Variants in RIMS1 observed in about 807,000 individuals in gnomAD.
RIMS1 encodes the protein regulating synaptic membrane exocytosis protein 1.
A neutral mutation model predicts 214.1 loss-of-function variants in RIMS1; 83 were observed. The ratio of observed to expected loss-of-function variants is 0.39; its 90% confidence interval spans 0.32 to 0.47. The LOEUF (loss-of-function observed/expected upper bound fraction) is 0.47, where lower values mean the gene tolerates loss of function less well. Ranked by LOEUF, RIMS1 falls within the 20% of genes least tolerant of loss-of-function variation. RIMS1 has a pLI of 0.99. For synonymous variants in RIMS1, 793 were observed against 786.8 expected (o/e 1.01, Z -0.13); for missense variants, 2,050 against 2,161.8 (o/e 0.95, Z 1.03).
chr6:72,259,257 T>C (rs1249944518), intron 18 of RIMS1, 146 bp downstream of exon 18: 1 of 539,152 alleles, frequency 1.9e-6, no homozygotes, highest in African/African-American at 1.9e-5. Flanking sequence ...TAACATATTG[T>C]AATAGAAATG....
At chr6:72,264,887 A>G in intron 19 of RIMS1, 88 bp from the exon 20 acceptor site, 2 of 765,852 alleles carry the variant, frequency 2.6e-6, no homozygotes, top group Non-Finnish European at 4.3e-6. Flanking sequence ...ATATAGCTTT[A>G]TAGGCCTCCT....
chr6:72,015,880 C>T (rs1422466036), intron 2 of RIMS1, among the ~76,000 whole-genome samples: 2 of 152,070 alleles, frequency 1.3e-5, no homozygotes, highest in Non-Finnish European at 2.9e-5. Flanking sequence ...GAGCCGAGAT[C>T]GCGCCATTGT....
At chr6:72,354,776 A>G (rs2097573771) in intron 29 of RIMS1, among the ~76,000 whole-genome samples, 1 of 152,134 alleles carries the variant, frequency 6.6e-6, no homozygotes, top group South Asian at 2.1e-4. Flanking sequence ...TAGTTGGCAA[A>G]CCTCTTTAGT....
chr6:72,169,663 G>C (rs149883186), intron 4 of RIMS1, among the ~76,000 whole-genome samples: 1 of 152,092 alleles, frequency 6.6e-6, no homozygotes, highest in Admixed American at 6.5e-5. Flanking sequence ...CAGCACTTTC[G>C]GAGGCTAAGG....
chr6:72,052,639 G>C (rs969786493), intron 2 of RIMS1, among the ~76,000 whole-genome samples: 1 of 152,196 alleles, frequency 6.6e-6, no homozygotes, highest in African/African-American at 2.4e-5. Flanking sequence ...CATACATTGG[G>C]CAAATCATTT....
chr6:72,333,478 C>A, intron 28 of RIMS1, 122 bp from the exon 29 acceptor site: 1 of 745,976 alleles, frequency 1.3e-6, no homozygotes, highest in Non-Finnish European at 2.2e-6. Flanking sequence ...AGATCCACTA[C>A]TCAACTGCAT....
intron 2 of RIMS1, among the ~76,000 whole-genome samples, chr6:72,034,688 C>T (rs1819099126): frequency 1.3e-5 from 2 of 151,944 alleles, no homozygotes; most frequent in African/African-American, 2.4e-5. Context: ...TTAAATGTCA[C>T]TTTGTCTAAG....
At chr6:72,013,119 A>G (rs1223220404) in intron 2 of RIMS1, among the ~76,000 whole-genome samples, 1 of 152,186 alleles carries the variant, frequency 6.6e-6, no homozygotes, top group Admixed American at 6.6e-5. Context: ...CACCATAACT[A>G]TATAAACCTA....
At chr6:72,232,715 AATTGAAGTGTATGG>A (rs372664141) in intron 6 of RIMS1, among the ~76,000 whole-genome samples, 3 of 151,784 alleles carry the variant, frequency 2.0e-5, no homozygotes, top group Admixed American at 6.6e-5. Context: ...GTTCCTAAAA[AATTGAAGTGTATGG>A]ATTGAAGTGT....
rs149096119 is a variant in RIMS1 at position 72,012,309 on chromosome 6, A to T, written c.245+43246A>T. On this transcript the variant is annotated intron_variant, in intron 2 of 33. Coordinates refer to ENST00000521978, the MANE Select transcript of RIMS1 (RefSeq NM_014989.7). The stretch of plus-strand genomic sequence containing the variant: ...AACACGTGGACACAGGAAGGGGAAC[A>T]TGACACACTGGGCCCTGTTGTAGGG... Among the ~76,000 whole-genome samples, 448 of 152,090 alleles carry T rather than the reference A, an allele frequency of 2.9e-3. 3 individuals carry two copies. The highest frequency in any genetic ancestry group is 0.01 in the African/African-American group (417 of 41,514).
chr6:72,343,251 G>T (rs531902502), intron 29 of RIMS1, among the ~76,000 whole-genome samples: 1 of 151,788 alleles, frequency 6.6e-6, no homozygotes, highest in South Asian at 2.1e-4. Flanking sequence ...AGAATATATT[G>T]CCACATTCTT....
At chr6:72,114,981 T>G (rs2036798525) in intron 4 of RIMS1, among the ~76,000 whole-genome samples, 1 of 151,950 alleles carries the variant, frequency 6.6e-6, no homozygotes, top group Non-Finnish European at 1.5e-5. Flanking sequence ...AGCTTTTTTG[T>G]TTATCCATGT....
At position 72,120,608 on chromosome 6, in the gene RIMS1, T is replaced by C. The variant is rs2038066598; in HGVS notation, c.471+20622T>C. On this transcript the variant is annotated intron_variant, in intron 4 of 33. Coordinates refer to ENST00000521978, the MANE Select transcript of RIMS1 (RefSeq NM_014989.7). The stretch of plus-strand genomic sequence containing the variant: ...TTTCTCCCATTTTGTAGGTTGCCTG[T>C]TCACTCTGATGGTAGTTTCTTTTGC... Among the ~76,000 whole-genome samples, 2 of 151,980 alleles carry C rather than the reference T, an allele frequency of 1.3e-5. 1 individual carries two copies. Among genetic ancestry groups the C allele is most frequent in the South Asian group, 4.1e-4 (2 of 4,822 alleles).
intron 29 of RIMS1, among the ~76,000 whole-genome samples, chr6:72,335,022 T>C (rs55782272): frequency 0.047 from 7,079 of 151,982 alleles, 176 homozygotes; most frequent in Middle Eastern, 0.061. Flanking sequence ...TTTGTTTAAA[T>C]TTTTTATGGT....
At chr6:72,011,554 C>T (rs1204457) in intron 2 of RIMS1, among the ~76,000 whole-genome samples, 1 of 151,728 alleles carries the variant, frequency 6.6e-6, no homozygotes, top group Non-Finnish European at 1.5e-5. Context: ...CCTACAAAAT[C>T]GGAGAAAATT....
Position 72,278,174 on chromosome 6 carries a change from T to TCTAC in RIMS1, c.3482+3745_3482+3746insCCTA, listed in dbSNP as rs2087752363. Among the ~76,000 whole-genome samples the TCTAC allele has an allele frequency of 2.6e-5, 4 of 152,044 alleles. No individual in the cohort carries two copies. In the South Asian group the frequency reaches 8.3e-4, roughly 32 times the overall value. ...TTTAATCTATCTATCTATCTATCTA[T>TCTAC]CTATCTATCTATCTATCTATCTATA... On this transcript the variant is annotated intron_variant, in intron 23 of 33. Coordinates refer to ENST00000521978, the MANE Select transcript of RIMS1 (RefSeq NM_014989.7).
At chr6:72,345,337 A>G (rs899178990) in intron 29 of RIMS1, among the ~76,000 whole-genome samples, 1 of 151,808 alleles carries the variant, frequency 6.6e-6, no homozygotes, top group Non-Finnish European at 1.5e-5. Flanking sequence ...ATGCATTTGT[A>G]TTATTAATAT....
chr6:72,154,299 C>T lies in RIMS1; in HGVS notation c.472-25276C>T, dbSNP rs549030131. Among the ~76,000 whole-genome samples, 124 of 139,586 alleles carry T rather than the reference C, an allele frequency of 8.9e-4. 13 individuals carry two copies. Among genetic ancestry groups the T allele is most frequent in the South Asian group, 2.1e-3 (9 of 4,218 alleles). The allele number at this position is 139,586 out of a possible 152,430, so 91.6% of individuals were successfully genotyped here. A position where few individuals can be genotyped will look rare whatever the true frequency, so the allele number is the denominator to read the frequency against. On this transcript the variant is annotated intron_variant, in intron 4 of 33. Transcript: ENST00000521978. ...TGTTGCTATGCTTGCAGACAACTGACGGATAGATGGATGTATTGATTGTAT... is the reference window on the plus strand; with the variant it reads ...TGTTGCTATGCTTGCAGACAACTGATGGATAGATGGATGTATTGATTGTAT...
intron 28 of RIMS1, chr6:72,317,094 C>G (rs936588846): frequency 2.4e-6 from 1 of 421,868 alleles, no homozygotes; most frequent in Non-Finnish European, 4.5e-6. Context: ...GCACCACCTC[C>G]TCCCCACTGC....
Sources: allele counts gnomAD v4.1 joint callset (sites outside exome capture counted in the v4.1 genomes callset), GRCh38; gene constraint gnomAD v4.1.1; transcripts MANE v1.5; gene names NCBI Gene and HGNC (gene_info 2026-07-23, HGNC 2026-07-21).